The following MAPK1IP1L variants were observed in gnomAD, a reference collection of about 807,000 sequenced individuals.
MAPK1IP1L encodes mitogen-activated protein kinase 1 interacting protein 1 like.
MAPK1IP1L carries 10 observed loss-of-function variants against 18.1 expected under a neutral mutation model. The ratio of observed to expected loss-of-function variants is 0.55; its 90% CI spans 0.34 to 0.94. The LOEUF is 0.94. Ranked by LOEUF, MAPK1IP1L falls within the 40% of genes least tolerant of loss-of-function variation. MAPK1IP1L has a pLI of 0.02. For missense variants in MAPK1IP1L, 260 were observed against 318.2 expected (o/e 0.82, Z 1.39); for synonymous variants, 115 against 117.3 (o/e 0.98, Z 0.13).
At chr14:55,051,880 C>T (rs2042731359) in intron 1 of MAPK1IP1L, 77 bp downstream of exon 1, 2 of 422,340 alleles carry the variant, frequency 4.7e-6, no homozygotes, top group Admixed American at 5.0e-5. Flanking sequence ...CGGGCGCGGC[C>T]AAGCGGGAAG....
At position 55,051,681 on chromosome 14, in the gene MAPK1IP1L, T is replaced by A. The variant is rs753346972; in HGVS notation, c.-127T>A. 2 of 515,996 alleles carry A rather than the reference T, an allele frequency of 3.9e-6. No homozygotes were observed. The highest frequency in any genetic ancestry group is 1.1e-4 in the East Asian group (2 of 18,250). The allele number at this position is 515,996 out of a possible 1,614,324, so 32.0% of individuals were successfully genotyped here. On this transcript the variant is annotated 5_prime_UTR_variant, in exon 1 of 4. Transcript: ENST00000395468. ...TCCGGCGCCAGGAGGAGCCGCGCGCTGCTGGTGCTGTTGCCGCCGCTGCTC... is the reference window on the plus strand; with the variant it reads ...TCCGGCGCCAGGAGGAGCCGCGCGCAGCTGGTGCTGTTGCCGCCGCTGCTC...
rs762092956 is a variant in MAPK1IP1L at position 55,062,843 on chromosome 14, C to G, written c.244C>G (p.Pro82Ala). ...YPSVPPTGPP[P>A]GPPAPFPPSG... The stretch of plus-strand genomic sequence containing the variant: ...CTCCGTGCCTCCCACCGGACCACCT[C>G]CAGGACCCCCAGCACCCTTTCCTCC... Residue 82 changes from proline (P) to alanine (A), a missense_variant, in exon 3 of 4, where the codon CCA becomes GCA. Transcript: ENST00000395468. 3.7e-6 allele frequency: 6 copies of G among 1,614,206 alleles called. No homozygotes were observed. Among genetic ancestry groups the G allele is most frequent in the Non-Finnish European group, 3.4e-6 (4 of 1,180,044 alleles).
Position 55,051,677 on chromosome 14 carries a change from G to T in MAPK1IP1L, c.-131G>T, listed in dbSNP as rs1467314704. 5.8e-6 allele frequency: 3 copies of T among 515,118 alleles called. No homozygotes were observed. Among genetic ancestry groups the T allele is most frequent in the South Asian group, 1.4e-5 (1 of 71,414 alleles). The allele number at this position is 515,118 out of a possible 1,614,324, so 31.9% of individuals were successfully genotyped here. On this transcript the variant is annotated 5_prime_UTR_variant, in exon 1 of 4. Coordinates refer to ENST00000395468, the MANE Select transcript of MAPK1IP1L (RefSeq NM_144578.4). ...CTGTTCCGGCGCCAGGAGGAGCCGC[G>T]CGCTGCTGGTGCTGTTGCCGCCGCT...
chr14:55,052,662 AC>A (rs2042740006), intron 1 of MAPK1IP1L, among the ~76,000 whole-genome samples: 1 of 152,134 alleles, frequency 6.6e-6, no homozygotes, highest in Admixed American at 6.5e-5. Flanking sequence ...TCGAAAAGGA[AC>A]CCTCATTACA....
chr14:55,060,154 A>ATTTTTTTTT (rs71131248), intron 1 of MAPK1IP1L, among the ~76,000 whole-genome samples: 23 of 63,932 alleles, frequency 3.6e-4, no homozygotes, highest in East Asian at 6.0e-4. Context: ...TTTTGGAGAA[A>ATTTTTTTTT]TTTTTTTTTT....
chr14:55,062,680 T>C lies in MAPK1IP1L; in HGVS notation c.81T>C (p.Pro27=). Residue 27 remains proline, a synonymous_variant, in exon 3 of 4, where the codon CCT becomes CCC. Coordinates refer to ENST00000395468, the MANE Select transcript of MAPK1IP1L (RefSeq NM_144578.4). ...CCTCTGCTGTGAGCAATACAAAACCTGGCCAACCTCCTCAAGGCTGGCCAG... is the reference window on the plus strand; with the variant it reads ...CCTCTGCTGTGAGCAATACAAAACCCGGCCAACCTCCTCAAGGCTGGCCAG... ...AKTSAVSNTK[P]GQPPQGWPGS... is the part of the protein sequence containing the mutation. 1 of 1,614,184 alleles carries C rather than the reference T, an allele frequency of 6.2e-7. No homozygotes were observed. Among genetic ancestry groups the C allele is most frequent in the Admixed American group, 1.7e-5 (1 of 60,010 alleles).
rs1222200602 is a variant in MAPK1IP1L, at chr14:55,069,008, G to C, written c.*4381G>C. ...CATCTTAAAGGGTGACATGTGGCAT[G>C]CCTTTTTTTTTTTTTAAGAATTTAA... On this transcript the variant is annotated 3_prime_UTR_variant, in exon 4 of 4. Coordinates refer to ENST00000395468, the MANE Select transcript of MAPK1IP1L (RefSeq NM_144578.4). 6.6e-6 allele frequency: 1 copy of C among 151,104 alleles called. No individual in the cohort carries two copies. The highest frequency in any genetic ancestry group is 1.9e-4 in the East Asian group (1 of 5,180). The allele number at this position is 151,104 out of a possible 1,614,324, so 9.4% of individuals were successfully genotyped here. A position where few individuals can be genotyped will look rare whatever the true frequency, so the allele number is the denominator to read the frequency against.
Position 55,063,006 on chromosome 14 carries a change from C to T in MAPK1IP1L, c.407C>T (p.Pro136Leu), listed in dbSNP as rs1349280845. 8 of 1,613,778 alleles carry T rather than the reference C, an allele frequency of 5.0e-6. No homozygotes were observed. The highest frequency in any genetic ancestry group is 1.3e-5 in the African/African-American group (1 of 74,942). ...AGACCATATGGTGCACCCACAGATC[C>T]AGCTGCAGCTGGTCCTTTAGGTCCA... ...LPRPYGAPTD[P>L]AAAGPLGPWG... The change falls in exon 3 of 4, where the codon CCA becomes CTA. Residue 136 changes from proline to leucine, a missense_variant. Pro to Leu is a moderately conservative substitution (Grantham distance 98). Transcript: ENST00000395468.
chr14:55,054,177 C>CTTT lies in MAPK1IP1L; in HGVS notation c.-5+2390_-5+2392dup, dbSNP rs371063665. 5.2e-3 allele frequency among the ~76,000 whole-genome samples: 662 copies of CTTT among 127,258 alleles called. 19 individuals carry two copies. The highest frequency in any genetic ancestry group is 0.037 in the South Asian group (139 of 3,806). 83.5% of individuals were successfully genotyped at this position (127,258 alleles called of 152,430 possible). ...TATTCTAATTTATAATTTATATTTT[C>CTTT]TTTTTTTTTTTTTTTTTTGGAGACG... is the stretch of plus-strand genomic sequence containing the variant. On this transcript the variant is annotated intron_variant, in intron 1 of 3. Transcript: ENST00000395468.
intron 1 of MAPK1IP1L, among the ~76,000 whole-genome samples, chr14:55,056,659 A>G (rs1372592765): frequency 1.3e-5 from 2 of 152,022 alleles, no homozygotes; most frequent in Non-Finnish European, 1.5e-5. Flanking sequence ...ACAGGTGCCC[A>G]CCATTATGCC....
rs2042857655 is a variant in MAPK1IP1L, at chr14:55,065,751, C to A, written c.*1124C>A. On this transcript the variant is annotated 3_prime_UTR_variant, in exon 4 of 4. Coordinates refer to ENST00000395468, the MANE Select transcript of MAPK1IP1L (RefSeq NM_144578.4). The stretch of plus-strand genomic sequence containing the variant: ...ATCTCTTTTTCAGAGTCTGGTTAAG[C>A]TATGTCATTGTCTACTGCATAGTTT... 6.6e-6 allele frequency: 1 copy of A among 152,160 alleles called. No homozygotes were observed. The highest frequency in any genetic ancestry group is 2.1e-4 in the South Asian group (1 of 4,824). 9.4% of individuals were successfully genotyped at this position (152,160 alleles called of 1,614,324 possible). A position where few individuals can be genotyped will look rare whatever the true frequency, so the allele number is the denominator to read the frequency against.
In MAPK1IP1L at chr14:55,064,686, A is replaced by C; in HGVS notation, c.*59A>C. ...TTTGAAGTACATGTATATGCACATG[A>C]ATGCATATATAAAAATTGCTGGTTT... On this transcript the variant is annotated 3_prime_UTR_variant, in exon 4 of 4. Transcript: ENST00000395468. The C allele has an allele frequency of 6.6e-7, 1 of 1,523,356 alleles. No individual in the cohort carries two copies. Among genetic ancestry groups the C allele is most frequent in the Non-Finnish European group, 9.1e-7 (1 of 1,104,684 alleles). 94.4% of individuals were successfully genotyped at this position (1,523,356 alleles called of 1,614,324 possible).
Position 55,062,635 on chromosome 14 carries a change from T to G in MAPK1IP1L, c.36T>G (p.Pro12=). 1 of 1,612,940 alleles carries G rather than the reference T, an allele frequency of 6.2e-7. No individual in the cohort carries two copies. Among genetic ancestry groups the G allele is most frequent in the East Asian group, 2.2e-5 (1 of 44,866 alleles). The part of the protein sequence containing the change: ...SDEFSLADAL[P]EHSPAKTSAV... ...TGTTCCAGTTGGCAGATGCACTACC[T>G]GAACACTCCCCTGCCAAAACCTCTG... The change falls in exon 3 of 4, where the codon CCT becomes CCG. Residue 12 remains proline (P), a synonymous_variant. Transcript: ENST00000395468.
rs1183493560 is a variant in MAPK1IP1L at position 55,068,255 on chromosome 14, A to C, written c.*3628A>C. 2 of 152,678 alleles carry C rather than the reference A, an allele frequency of 1.3e-5. No individual in the cohort carries two copies. The highest frequency in any genetic ancestry group is 4.8e-5 in the African/African-American group (2 of 41,462). The allele number at this position is 152,678 out of a possible 1,614,324, so 9.5% of individuals were successfully genotyped here. ...GAAAAGTATATATTTTGCCTCAGTC[A>C]GTCCCACCACCACAATGGACTATTG... On this transcript the variant is annotated 3_prime_UTR_variant, in exon 4 of 4. Transcript: ENST00000395468.
chr14:55,060,154 A>ATTTTTTTTTTT (rs71131248), intron 1 of MAPK1IP1L, among the ~76,000 whole-genome samples: 10 of 63,932 alleles, frequency 1.6e-4, no homozygotes, highest in South Asian at 7.9e-4. Context: ...TTTTGGAGAA[A>ATTTTTTTTTTT]TTTTTTTTTT....
intron 1 of MAPK1IP1L, among the ~76,000 whole-genome samples, chr14:55,054,342 A>G (rs1157095688): frequency 6.6e-6 from 1 of 151,884 alleles, no homozygotes; most frequent in Admixed American, 6.6e-5. Flanking sequence ...ATAGGGTTTT[A>G]CCATTGGCCA....
At position 55,064,688 on chromosome 14, in the gene MAPK1IP1L, T is replaced by C; in HGVS notation, c.*61T>C. 7.1e-6 allele frequency: 11 copies of C among 1,539,514 alleles called. No homozygotes were observed. Among genetic ancestry groups the C allele is most frequent in the Non-Finnish European group, 9.8e-6 (11 of 1,120,040 alleles). The stretch of plus-strand genomic sequence containing the variant: ...TGAAGTACATGTATATGCACATGAA[T>C]GCATATATAAAAATTGCTGGTTTCA... On this transcript the variant is annotated 3_prime_UTR_variant, in exon 4 of 4. Transcript: ENST00000395468.
intron 1 of MAPK1IP1L, among the ~76,000 whole-genome samples, chr14:55,052,187 C>T (rs965176170): frequency 6.6e-6 from 1 of 151,256 alleles, no homozygotes; most frequent in South Asian, 2.1e-4. Context: ...ATCCCGGACT[C>T]CCTTTGTTCG....
At chr14:55,051,909 T>C in intron 1 of MAPK1IP1L, 106 bp downstream of exon 1, 3 of 411,938 alleles carry the variant, frequency 7.3e-6, no homozygotes, top group South Asian at 5.3e-5. Flanking sequence ...GTGACCGAGG[T>C]GCATCGAGTC....
Sources: allele counts gnomAD v4.1 joint callset (sites outside exome capture counted in the v4.1 genomes callset), GRCh38; gene constraint gnomAD v4.1.1; transcripts MANE v1.5; gene names NCBI Gene and HGNC (gene_info 2026-07-23, HGNC 2026-07-21).